RIC1: variants seen among roughly 807,000 people sequenced by gnomAD.
RIC1 encodes the protein guanine nucleotide exchange factor subunit RIC1.
A neutral mutation model predicts 169.0 loss-of-function variants in RIC1; 88 were observed. The observed-to-expected ratio is 0.52, with a 90% confidence interval of 0.44 to 0.62. RIC1 has a LOEUF of 0.62. RIC1 is among the 20% of genes least tolerant of loss of function. The probability of loss-of-function intolerance (pLI) is 0.00; values close to 1 mark genes in which losing one functional copy is unlikely to be tolerated. For missense variants in RIC1, 1,877 were observed against 1,725.5 expected (o/e 1.09, Z -1.56); for synonymous variants, 790 against 601.5 (o/e 1.31, Z -4.59).
intron 1 of RIC1, among the ~76,000 whole-genome samples, chr9:5,650,924 G>A (rs1341490720): frequency 4.6e-5 from 7 of 152,172 alleles, no homozygotes; most frequent in African/African-American, 1.7e-4. Flanking sequence ...TGTTAGTAGG[G>A]CTTTACTAAT....
At chr9:5,692,503 T>A (rs1031578400) in intron 3 of RIC1, among the ~76,000 whole-genome samples, 1 of 152,086 alleles carries the variant, frequency 6.6e-6, no homozygotes, top group Admixed American at 6.6e-5. Flanking sequence ...CTTGATATTT[T>A]ACTTCTTTGC....
chr9:5,700,240 G>T (rs1321137212), intron 3 of RIC1, among the ~76,000 whole-genome samples: 1 of 152,010 alleles, frequency 6.6e-6, no homozygotes, highest in African/African-American at 2.4e-5. Flanking sequence ...GTTTTTGTTA[G>T]CCCCAGTTAA....
intron 4 of RIC1, among the ~76,000 whole-genome samples, chr9:5,719,880 T>C (rs1160883314): frequency 6.6e-6 from 1 of 152,226 alleles, no homozygotes; most frequent in African/African-American, 2.4e-5. Context: ...TCTACCTCTT[T>C]TTCTTTCTTT....
At chr9:5,723,084 GC>G in intron 6 of RIC1, among the ~76,000 whole-genome samples, 1 of 152,352 alleles carries the variant, frequency 6.6e-6, no homozygotes, top group African/African-American at 2.4e-5. Context: ...TAATGGGATG[GC>G]TGGATCAAAT....
At chr9:5,747,693 G>A (rs896924998) in intron 12 of RIC1, among the ~76,000 whole-genome samples, 188 bp downstream of exon 12, 2 of 152,112 alleles carry the variant, frequency 1.3e-5, no homozygotes, top group Admixed American at 6.6e-5. Context: ...TCCACTTGGC[G>A]TAGAGTGTAT....
chr9:5,683,809 G>A (rs546452082), intron 2 of RIC1, among the ~76,000 whole-genome samples: 21 of 152,254 alleles, frequency 1.4e-4, no homozygotes, highest in East Asian at 5.8e-4. Flanking sequence ...TCAACTTCCC[G>A]GCTGCTTTGT....
intron 6 of RIC1, among the ~76,000 whole-genome samples, chr9:5,729,732 CT>C (rs1328892823): frequency 6.6e-6 from 1 of 152,064 alleles, no homozygotes; most frequent in East Asian, 1.9e-4. Flanking sequence ...TTCCTATCTA[CT>C]ATCTTCCGTT....
In RIC1 at chr9:5,754,923, A is replaced by T; in HGVS notation, c.1685A>T (p.Gln562Leu). 6.5e-7 allele frequency: 1 copy of T among 1,531,160 alleles called. No individual in the cohort carries two copies. The highest frequency in any genetic ancestry group is 8.9e-7 in the Non-Finnish European group (1 of 1,127,284). The allele number at this position is 1,531,160 out of a possible 1,614,324, so 94.8% of individuals were successfully genotyped here. A position where few individuals can be genotyped will look rare whatever the true frequency, so the allele number is the denominator to read the frequency against. Residue 562 changes from glutamine (Q) to leucine (L), a missense_variant, in exon 15 of 26, where the codon CAA becomes CTA. Physicochemically the swap from Gln to Leu is moderately radical, Grantham distance 113. Transcript: ENST00000414202. ...GCGTGTTATAACATAAATGACCGTC[A>T]AGAAGAGGTAAGTTTTTTCTCTCAG... ...VLACYNINDR[Q>L]EELRVYLRTS...
At chr9:5,730,002 G>A (rs1007373326) in intron 6 of RIC1, among the ~76,000 whole-genome samples, 1 of 151,904 alleles carries the variant, frequency 6.6e-6, no homozygotes, top group African/African-American at 2.4e-5. Flanking sequence ...GTGTTTATTA[G>A]TATGTAATTA....
At chr9:5,695,977 C>G (rs1018287839) in intron 3 of RIC1, among the ~76,000 whole-genome samples, 9 of 152,188 alleles carry the variant, frequency 5.9e-5, no homozygotes, top group African/African-American at 2.2e-4. Flanking sequence ...TTACCATCAT[C>G]TTTTGTACGT....
intron 3 of RIC1, among the ~76,000 whole-genome samples, chr9:5,693,523 A>G (rs2130730312): frequency 6.6e-6 from 1 of 152,284 alleles, no homozygotes; most frequent in South Asian, 2.1e-4. Context: ...TAGAAATCTT[A>G]GATTCCATTG....
At chr9:5,654,340 G>A (rs371338105) in intron 1 of RIC1, among the ~76,000 whole-genome samples, 1 of 151,926 alleles carries the variant, frequency 6.6e-6, no homozygotes, top group Non-Finnish European at 1.5e-5. Context: ...TCTGCCTCCC[G>A]GGTTCAAGCG....
intron 3 of RIC1, among the ~76,000 whole-genome samples, chr9:5,704,135 T>G (rs1039669232): frequency 6.6e-6 from 1 of 152,168 alleles, no homozygotes; most frequent in Non-Finnish European, 1.5e-5. Flanking sequence ...ATTAATGACA[T>G]TGAACATACT....
At chr9:5,739,593 C>T (rs1824939294) in intron 8 of RIC1, among the ~76,000 whole-genome samples, 3 of 152,136 alleles carry the variant, frequency 2.0e-5, no homozygotes, top group Non-Finnish European at 4.4e-5. Flanking sequence ...TTGGGAGTGG[C>T]TCCTGAGGAG....
intron 3 of RIC1, among the ~76,000 whole-genome samples, chr9:5,697,598 C>T (rs997661169): frequency 6.6e-6 from 1 of 152,118 alleles, no homozygotes; most frequent in Admixed American, 6.5e-5. Flanking sequence ...TGTAAGCATT[C>T]CAGTAAACAA....
chr9:5,733,533 G>A (rs1824503485), intron 7 of RIC1, among the ~76,000 whole-genome samples: 1 of 151,902 alleles, frequency 6.6e-6, no homozygotes, highest in Non-Finnish European at 1.5e-5. Flanking sequence ...CACAGTGCTG[G>A]ATTACAGGCG....
chr9:5,761,355 A>C lies in RIC1; in HGVS notation c.1993-1186A>C, dbSNP rs1421581924. ...TCTTGAACTCCTGACCTCGTGATCC[A>C]CCCACCTCAGCCTCCCACCAAATGC... is the stretch of plus-strand genomic sequence containing the variant. On this transcript the variant is annotated intron_variant, in intron 17 of 25. Transcript: ENST00000414202. 2.0e-5 allele frequency among the ~76,000 whole-genome samples: 3 copies of C among 151,024 alleles called. No homozygotes were observed. In the East Asian group the frequency reaches 5.8e-4, roughly 29 times the overall value.
rs7038735 is a variant in RIC1 at position 5,751,470 on chromosome 9, G to A, written c.1453-1730G>A. ...TCCAGGGTTCAGGTGATTCTCCTGC[G>A]TCAGCTTCCCGAGTAGCTGGGATTG... On this transcript the variant is annotated intron_variant, in intron 12 of 25. Transcript: ENST00000414202. Among the ~76,000 whole-genome samples the A allele has an allele frequency of 1.8e-4, 27 of 151,578 alleles. No homozygotes were observed. The East Asian group carries it at 3.5e-3, about 19-fold the overall frequency.
At chr9:5,685,261 A>C (rs2130676606) in intron 2 of RIC1, among the ~76,000 whole-genome samples, 1 of 150,630 alleles carries the variant, frequency 6.6e-6, no homozygotes, top group African/African-American at 2.4e-5. Flanking sequence ...TTCTTCACAG[A>C]ATTGGAAAAA....
Sources: gnomAD v4.1 joint callset for allele counts (sites outside exome capture counted in the v4.1 genomes callset) on GRCh38, gnomAD v4.1.1 for gene constraint, MANE v1.5 for transcripts, NCBI Gene and HGNC (gene_info 2026-07-23, HGNC 2026-07-21) for gene names.